The following TENM3 variants were observed in gnomAD, a reference collection of about 807,000 sequenced individuals.
TENM3 encodes teneurin transmembrane protein 3, also known as teneurin-3.
In TENM3, 63 loss-of-function variants were observed where a neutral mutation model predicts 255.1. The ratio of observed to expected loss-of-function variants is 0.25; its 90% CI spans 0.20 to 0.30. The LOEUF (loss-of-function observed/expected upper bound fraction) is 0.30, where lower values mean the gene tolerates loss of function less well. Ranked by LOEUF, TENM3 falls within the 10% of genes least tolerant of loss-of-function variation. TENM3 has a pLI of 1.00. For missense variants in TENM3, 2,929 were observed against 3,461.1 expected (o/e 0.85, Z 3.86); for synonymous variants, 1,306 against 1,322.3 (o/e 0.99, Z 0.27).
chr4:182,059,416 C>A, the TENM3 span, among the ~76,000 whole-genome samples: 1 of 152,084 alleles, frequency 6.6e-6, no homozygotes, highest in Admixed American at 6.5e-5. Flanking sequence ...ATCACAAATT[C>A]TTTTTGTGAT....
chr4:182,322,134 A>C (rs1319586500), intron 1 of TENM3, among the ~76,000 whole-genome samples: 2 of 152,192 alleles, frequency 1.3e-5, no homozygotes, highest in East Asian at 1.9e-4. Context: ...CTTAAGAGCT[A>C]TTGGAAGAAT....
At chr4:182,581,609 T>A (rs945236767) in intron 3 of TENM3, among the ~76,000 whole-genome samples, 1 of 151,972 alleles carries the variant, frequency 6.6e-6, no homozygotes, top group Non-Finnish European at 1.5e-5. Context: ...TGATGGTGAG[T>A]GCCTATAATC....
intron 24 of TENM3, among the ~76,000 whole-genome samples, chr4:182,776,712 G>A (rs1440383875): frequency 6.6e-6 from 1 of 152,120 alleles, no homozygotes; most frequent in Non-Finnish European, 1.5e-5. Flanking sequence ...AGGAAACCCA[G>A]TCTGAAGTCC....
chr4:182,747,997 A>G (rs974940361), intron 19 of TENM3, among the ~76,000 whole-genome samples: 1 of 152,212 alleles, frequency 6.6e-6, no homozygotes, highest in Non-Finnish European at 1.5e-5. Flanking sequence ...AAGTGCTAAT[A>G]ATATCTGTTC....
chr4:182,379,979 C>G (rs1767454027), intron 3 of TENM3, among the ~76,000 whole-genome samples: 1 of 152,096 alleles, frequency 6.6e-6, no homozygotes, highest in Non-Finnish European at 1.5e-5. Context: ...CAACAAAAGA[C>G]TAGTGCAGGA....
At chr4:182,260,799 CAGTT>C (rs1453572968) in intron 1 of TENM3, among the ~76,000 whole-genome samples, 2 of 152,132 alleles carry the variant, frequency 1.3e-5, no homozygotes, top group South Asian at 2.1e-4. Flanking sequence ...GAAAAATCAT[CAGTT>C]AGTGAACTGT....
chr4:182,697,161 AACTG>A (rs1169431381), intron 12 of TENM3, among the ~76,000 whole-genome samples: 1 of 152,188 alleles, frequency 6.6e-6, no homozygotes, highest in Non-Finnish European at 1.5e-5. Flanking sequence ...ATTCATAACA[AACTG>A]ACTGTGACTA....
intron 4 of TENM3, among the ~76,000 whole-genome samples, chr4:182,611,399 AT>A (rs1748990268): frequency 6.6e-6 from 1 of 151,338 alleles, no homozygotes; most frequent in African/African-American, 2.4e-5. Context: ...TTAAATATAT[AT>A]TTATAATAGT....
chr4:181,950,465 C>T, the TENM3 span, among the ~76,000 whole-genome samples: 13 of 152,140 alleles, frequency 8.5e-5, no homozygotes, highest in Non-Finnish European at 1.0e-4. Flanking sequence ...CTATAGTTTG[C>T]TCCATTGCAT....
At chr4:182,245,943 A>G (rs1757613004) in intron 1 of TENM3, among the ~76,000 whole-genome samples, 1 of 152,182 alleles carries the variant, frequency 6.6e-6, no homozygotes, top group Admixed American at 6.5e-5. Context: ...CCGATGTAAC[A>G]TTTTATTGGC....
At chr4:181,874,772 C>T in the TENM3 span, among the ~76,000 whole-genome samples, 47,521 of 152,050 alleles carry the variant, frequency 0.31, 8,040 homozygotes, top group Middle Eastern at 0.42. Flanking sequence ...ACAGCAGCCC[C>T]GGTGGCTGAT....
chr4:181,995,244 C>A, the TENM3 span, among the ~76,000 whole-genome samples: 1 of 151,472 alleles, frequency 6.6e-6, no homozygotes, highest in Non-Finnish European at 1.5e-5. Context: ...GAGCTAAGAT[C>A]GCACCACTGC....
the TENM3 span, among the ~76,000 whole-genome samples, chr4:181,648,307 A>G: frequency 6.6e-6 from 1 of 152,196 alleles, no homozygotes; most frequent in South Asian, 2.1e-4. Context: ...AAGTTCGCAC[A>G]AATTGTAAAG....
chr4:181,966,155 C>G, the TENM3 span, among the ~76,000 whole-genome samples: 6 of 152,230 alleles, frequency 3.9e-5, no homozygotes, highest in African/African-American at 1.4e-4. Context: ...CCGATGAAGC[C>G]ACAGACCTCA....
At chr4:181,977,793 T>C in the TENM3 span, among the ~76,000 whole-genome samples, 1 of 152,180 alleles carries the variant, frequency 6.6e-6, no homozygotes, top group Non-Finnish European at 1.5e-5. Context: ...TTCCTGTGGA[T>C]GCTCACCATC....
In TENM3 at chr4:182,680,577, G is replaced by A; in HGVS notation, c.1674G>A (p.Gln558=). The A allele has an allele frequency of 6.2e-7, 1 of 1,613,762 alleles. No individual in the cohort carries two copies. The highest frequency in any genetic ancestry group is 1.1e-5 in the South Asian group (1 of 91,040). ...ACPVLCSGNG[Q]YSKGRCLCFS... is the part of the protein sequence containing the mutation. ...CAGTGTTATGTAGTGGCAACGGGCAGTACTCCAAGGGCCGCTGCCTGTGTT... is the reference window on the plus strand; with the variant it reads ...CAGTGTTATGTAGTGGCAACGGGCAATACTCCAAGGGCCGCTGCCTGTGTT... The change falls in exon 10 of 28, where the codon CAG becomes CAA. Residue 558 remains glutamine (Q), a synonymous_variant. Transcript: ENST00000511685.
At chr4:181,934,397 T>C in the TENM3 span, among the ~76,000 whole-genome samples, 1 of 152,228 alleles carries the variant, frequency 6.6e-6, no homozygotes, top group East Asian at 1.9e-4. Context: ...GAAAGTATGG[T>C]TAATCTAAGT....
At chr4:182,678,460 A>G (rs771403305) in intron 7 of TENM3, among the ~76,000 whole-genome samples, 2 of 152,170 alleles carry the variant, frequency 1.3e-5, no homozygotes, top group African/African-American at 2.4e-5. Flanking sequence ...ACATGTTTCT[A>G]ATCTAACAAT....
intron 1 of TENM3, among the ~76,000 whole-genome samples, chr4:182,199,720 C>CTTTTTTTTTTTTTT (rs367906246): frequency 1.9e-5 from 2 of 104,854 alleles, no homozygotes; most frequent in African/African-American, 7.5e-5. Context: ...AACATCATTG[C>CTTTTTTTTTTTTTT]TTTTTTTTTT....
Sources: gnomAD v4.1 joint callset for allele counts (sites outside exome capture counted in the v4.1 genomes callset) on GRCh38, gnomAD v4.1.1 for gene constraint, MANE v1.5 for transcripts, NCBI Gene and HGNC (gene_info 2026-07-23, HGNC 2026-07-21) for gene names.